IL26: variants seen among roughly 807,000 people sequenced by gnomAD.
IL26 encodes the protein interleukin-26.
IL26 carries 23 observed loss-of-function variants against 21.7 expected under a neutral mutation model. That is an observed-to-expected ratio of 1.06 (90% CI 0.76 to 1.50). The LOEUF is 1.50. IL26 is among the 40% of genes most tolerant of loss of function. The pLI is 0.00. For missense variants in IL26, 204 were observed against 196.0 expected (o/e 1.04, Z -0.24); for synonymous variants, 63 against 67.8 (o/e 0.93, Z 0.34).
rs1022876615 is a variant in IL26, at chr12:68,225,231, A to G, written c.281T>C (p.Phe94Ser). 3.7e-6 allele frequency: 6 copies of G among 1,613,736 alleles called. No individual in the cohort carries two copies. The highest frequency in any genetic ancestry group is 1.7e-5 in the Admixed American group (1 of 59,942). Reference sequence around the variant, plus strand: ...GCAGCCTTGCAATTGCAGTTGACCAAAAACGTCTTCCATGAAGAAGGACAG... The same window carrying G: ...GCAGCCTTGCAATTGCAGTTGACCAGAAACGTCTTCCATGAAGAAGGACAG... ...QLLSFFMEDV[F>S]GQLQLQGCKK... Residue 94 changes from phenylalanine to serine, a missense_variant, in exon 3 of 5, where the codon TTT becomes TCT. Transcript: ENST00000229134.
chr12:68,215,554 A>G (rs1868851760), intron 3 of IL26, among the ~76,000 whole-genome samples: 1 of 152,202 alleles, frequency 6.6e-6, no homozygotes, highest in African/African-American at 2.4e-5. Context: ...ATGCCTCACA[A>G]TTTTGACAGA....
At position 68,225,301 on chromosome 12, in the gene IL26, G is replaced by T; in HGVS notation, c.229-18C>A. The T allele has an allele frequency of 6.2e-7, 1 of 1,600,204 alleles. No individual in the cohort carries two copies. On this transcript the variant is annotated intron_variant, in intron 2 of 4. Coordinates refer to ENST00000229134, the MANE Select transcript of IL26 (RefSeq NM_018402.2). Reference sequence around the variant, plus strand: ...CAGTTTTTCTAAAAATAAGATACAAGAAATTGCATATGGTAAATTATGAAT... The same window carrying T: ...CAGTTTTTCTAAAAATAAGATACAATAAATTGCATATGGTAAATTATGAAT...
chr12:68,225,707 GAC>G lies in IL26; in HGVS notation c.48_49del (p.Leu18CysfsTer25), dbSNP rs916962575. Reference sequence around the variant, plus strand: ...TTGCTTGTGCTTGGCAATGGCAAGAGACAGAGTGACTAACAGCAACCCACACC... The same window carrying G: ...TTGCTTGTGCTTGGCAATGGCAAGAGAGAGTGACTAACAGCAACCCACACC... On this transcript the variant is annotated frameshift_variant, in exon 1 of 5. Transcript: ENST00000229134. LOFTEE classifies it high-confidence loss of function. The G allele has an allele frequency of 6.2e-7, 1 of 1,613,960 alleles. No homozygotes were observed. The highest frequency in any genetic ancestry group is 1.3e-5 in the African/African-American group (1 of 75,036).
chr12:68,210,130 G>A (rs1197887095), intron 3 of IL26, among the ~76,000 whole-genome samples: 1 of 151,730 alleles, frequency 6.6e-6, no homozygotes, highest in Non-Finnish European at 1.5e-5. Flanking sequence ...AAGAGTGACA[G>A]ATAAGAGATT....
At chr12:68,225,329 T>C (rs772013079) in intron 2 of IL26, 46 bp from the exon 3 acceptor site, 3 of 1,574,768 alleles carry the variant, frequency 1.9e-6, no homozygotes, top group Non-Finnish European at 1.7e-6. Context: ...TTATGAATCG[T>C]TTTTTAATGT....
In IL26 at chr12:68,208,803, A is replaced by G. The variant is rs117177867; in HGVS notation, c.364-6720T>C. ...GTGTGAGCCACCACGCCCAGCCAGC[A>G]TTTTCAATGAGCTCTATGAGGACAG... On this transcript the variant is annotated intron_variant, in intron 3 of 4. Coordinates refer to ENST00000229134, the MANE Select transcript of IL26 (RefSeq NM_018402.2). Among the ~76,000 whole-genome samples, 1,270 of 152,224 alleles carry G rather than the reference A, an allele frequency of 8.3e-3. 10 individuals are homozygous for G. The highest frequency in any genetic ancestry group is 0.022 in the South Asian group (106 of 4,822).
At chr12:68,207,419 T>C (rs143710068) in intron 3 of IL26, among the ~76,000 whole-genome samples, 4 of 152,342 alleles carry the variant, frequency 2.6e-5, no homozygotes, top group South Asian at 2.1e-4. Context: ...TTTACTGCAA[T>C]GGGCAATTTA....
At chr12:68,220,013 C>A (rs1869002980) in intron 3 of IL26, among the ~76,000 whole-genome samples, 1 of 151,852 alleles carries the variant, frequency 6.6e-6, no homozygotes, top group African/African-American at 2.4e-5. Context: ...AAGGTTCCTT[C>A]AAAAAGAAAT....
chr12:68,211,455 T>G (rs1322918750), intron 3 of IL26, among the ~76,000 whole-genome samples: 1 of 152,198 alleles, frequency 6.6e-6, no homozygotes, highest in Non-Finnish European at 1.5e-5. Context: ...ATGGTAGTTA[T>G]ACTTTCAGTT....
chr12:68,222,645 C>T (rs577350026), intron 3 of IL26, among the ~76,000 whole-genome samples: 89 of 152,274 alleles, frequency 5.8e-4, no homozygotes, highest in African/African-American at 2.0e-3. Context: ...CAAGGTTCTG[C>T]GGAAAGCTTT....
chr12:68,222,251 A>T (rs1223096808), intron 3 of IL26, among the ~76,000 whole-genome samples: 1 of 152,248 alleles, frequency 6.6e-6, no homozygotes, highest in Non-Finnish European at 1.5e-5. Flanking sequence ...GGATTCTTCA[A>T]ATGATTTAAA....
chr12:68,219,389 A>C (rs538778296), intron 3 of IL26, among the ~76,000 whole-genome samples: 1 of 152,060 alleles, frequency 6.6e-6, no homozygotes, highest in East Asian at 1.9e-4. Context: ...TATCTAGAAA[A>C]ATTCCCACAT....
chr12:68,223,261 G>A (rs554201741), intron 3 of IL26, among the ~76,000 whole-genome samples: 125 of 152,230 alleles, frequency 8.2e-4, no homozygotes, highest in African/African-American at 3.0e-3. Flanking sequence ...GGAAAGCGCG[G>A]AGTTACGTGT....
chr12:68,202,910 G>A (rs1387009217), intron 3 of IL26, among the ~76,000 whole-genome samples: 2 of 152,174 alleles, frequency 1.3e-5, no homozygotes, highest in African/African-American at 4.8e-5. Flanking sequence ...AAAGCTCAGT[G>A]CTTTCCAGAA....
chr12:68,223,804 A>G (rs28520935), intron 3 of IL26, among the ~76,000 whole-genome samples: 67,538 of 151,182 alleles, frequency 0.45, 16,004 homozygotes, highest in East Asian at 0.61. Flanking sequence ...GAGAGTTTAT[A>G]AAAAAACATG....
chr12:68,223,884 G>GTTTTTTTTTTTTT (rs376115904), intron 3 of IL26, among the ~76,000 whole-genome samples: 1 of 132,272 alleles, frequency 7.6e-6, no homozygotes, highest in Non-Finnish European at 1.6e-5. Flanking sequence ...AAATTTGGTG[G>GTTTTTTTTTTTTT]TTTTTTTTTT....
At chr12:68,208,437 AC>A (rs1459642290) in intron 3 of IL26, among the ~76,000 whole-genome samples, 2 of 152,188 alleles carry the variant, frequency 1.3e-5, no homozygotes, top group Non-Finnish European at 2.9e-5. Flanking sequence ...CCTTTGCAGC[AC>A]CAATCACAAC....
chr12:68,203,346 C>T (rs1383375404), intron 3 of IL26, among the ~76,000 whole-genome samples: 3 of 152,210 alleles, frequency 2.0e-5, no homozygotes, highest in Non-Finnish European at 4.4e-5. Flanking sequence ...CCTAATTTAT[C>T]TACTTAGTTT....
intron 3 of IL26, among the ~76,000 whole-genome samples, chr12:68,215,519 G>C (rs899236358): frequency 3.3e-5 from 5 of 152,248 alleles, no homozygotes; most frequent in African/African-American, 1.2e-4. Flanking sequence ...AGTGAAGCCA[G>C]CTTGCTTTTT....
Sources: allele counts gnomAD v4.1 joint callset (sites outside exome capture counted in the v4.1 genomes callset), GRCh38; gene constraint gnomAD v4.1.1; transcripts MANE v1.5; gene names NCBI Gene and HGNC (gene_info 2026-07-23, HGNC 2026-07-21).